The following PPP1R3A variants were observed in gnomAD, a reference collection of about 807,000 sequenced individuals.
PPP1R3A encodes protein phosphatase 1 regulatory subunit 3A.
A neutral mutation model predicts 41.7 loss-of-function variants in PPP1R3A; 29 were observed. The observed-to-expected ratio is 0.70, with a 90% CI of 0.52 to 0.95. The LOEUF (loss-of-function observed/expected upper bound fraction) is 0.95, where lower values mean the gene tolerates loss of function less well. Ranked by LOEUF, PPP1R3A falls within the 40% of genes least tolerant of loss-of-function variation. The pLI is 0.00. For missense variants in PPP1R3A, 1,352 were observed against 1,292.4 expected (o/e 1.05, Z -0.71); for synonymous variants, 485 against 453.4 (o/e 1.07, Z -0.89).
At chr7:113,899,962 A>G (rs996419794) in intron 1 of PPP1R3A, among the ~76,000 whole-genome samples, 1 of 151,802 alleles carries the variant, frequency 6.6e-6, no homozygotes, top group African/African-American at 2.4e-5. Flanking sequence ...GCTAGCATTA[A>G]TGTAAATTGT....
rs779188405 is a variant in PPP1R3A, at chr7:113,878,694, C to G, written c.2398G>C (p.Asp800His). 2 of 1,613,392 alleles carry G rather than the reference C, an allele frequency of 1.2e-6. No homozygotes were observed. The highest frequency in any genetic ancestry group is 2.2e-5 in the East Asian group (1 of 44,840). The stretch of plus-strand genomic sequence containing the variant: ...CCTAAACGTGATTCCTTTTCAAAAT[C>G]ATTGTCATAGATTACACCTACTGTA... ...RDTVGVIYDN[D>H]FEKESRLGIC... is the part of the protein sequence containing the mutation. The change falls in exon 4 of 4, where the codon GAT (aspartate) becomes CAT (histidine). Residue 800 changes from aspartate to histidine, a missense_variant. Coordinates refer to ENST00000284601, the MANE Select transcript of PPP1R3A (RefSeq NM_002711.4).
chr7:113,888,066 T>G (rs1437087510), intron 1 of PPP1R3A, among the ~76,000 whole-genome samples: 1 of 151,414 alleles, frequency 6.6e-6, no homozygotes, highest in East Asian at 1.9e-4. Context: ...AAGTCACATC[T>G]AGAAACAACA....
At chr7:113,917,986 C>T (rs1797368804) in intron 1 of PPP1R3A, among the ~76,000 whole-genome samples, 1 of 152,078 alleles carries the variant, frequency 6.6e-6, no homozygotes, top group Admixed American at 6.6e-5. Context: ...CAGTGCACTT[C>T]TCTCCCAACC....
At position 113,878,151 on chromosome 7, in the gene PPP1R3A, C is replaced by T; in HGVS notation, c.2941G>A (p.Gly981Arg). The T allele has an allele frequency of 6.2e-7, 1 of 1,613,270 alleles. No homozygotes were observed. The highest frequency in any genetic ancestry group is 8.5e-7 in the Non-Finnish European group (1 of 1,179,612). ...TTTCTACTACCTGATGTCACTATTCCTGAACTTCTGGAAACTTCTTCAGGT... is the reference window on the plus strand; with the variant it reads ...TTTCTACTACCTGATGTCACTATTCTTGAACTTCTGGAAACTTCTTCAGGT... ...SKPEEVSRSSGIVTSGSRKER... is the reference protein window; with the variant it reads ...SKPEEVSRSSRIVTSGSRKER... The change falls in exon 4 of 4, where the codon GGA becomes AGA. Residue 981 changes from glycine (G) to arginine (R), a missense_variant. Gly to Arg is a moderately radical substitution (Grantham distance 125, BLOSUM62 -2). Coordinates refer to ENST00000284601, the MANE Select transcript of PPP1R3A (RefSeq NM_002711.4).
chr7:113,881,896 G>T, intron 3 of PPP1R3A, 143 bp downstream of exon 3: 1 of 907,448 alleles, frequency 1.1e-6, no homozygotes, highest in Non-Finnish European at 1.7e-6. Flanking sequence ...TGTTGATCAA[G>T]CTAGAGACGC....
At chr7:113,896,868 T>A (rs1254922724) in intron 1 of PPP1R3A, among the ~76,000 whole-genome samples, 1 of 142,824 alleles carries the variant, frequency 7.0e-6, no homozygotes, top group Non-Finnish European at 1.5e-5. Context: ...TGAAAAAATA[T>A]GAAAAAAACA....
At chr7:113,890,533 C>T (rs1796862744) in intron 1 of PPP1R3A, among the ~76,000 whole-genome samples, 1 of 152,112 alleles carries the variant, frequency 6.6e-6, no homozygotes, top group Non-Finnish European at 1.5e-5. Context: ...GAATGTGGTA[C>T]ACGAAGTGCC....
At chr7:113,899,568 G>A (rs757782263) in intron 1 of PPP1R3A, among the ~76,000 whole-genome samples, 1 of 151,636 alleles carries the variant, frequency 6.6e-6, no homozygotes, top group Non-Finnish European at 1.5e-5. Flanking sequence ...TCTTTTTGTG[G>A]ATAGTGTGAC....
rs1796604286 is a variant in PPP1R3A at position 113,878,136 on chromosome 7, C to T, written c.2956G>A (p.Gly986Ser). The change falls in exon 4 of 4, where the codon GGT becomes AGT. Residue 986 changes from glycine to serine, a missense_variant. Gly to Ser is a moderately conservative substitution (Grantham distance 56). Coordinates refer to ENST00000284601, the MANE Select transcript of PPP1R3A (RefSeq NM_002711.4). ...CCTATGCATCTTTCTTTTCTACTAC[C>T]TGATGTCACTATTCCTGAACTTCTG... ...VSRSSGIVTS[G>S]SRKERCIGQI... The T allele has an allele frequency of 1.2e-6, 2 of 1,613,330 alleles. No homozygotes were observed. Among genetic ancestry groups the T allele is most frequent in the Non-Finnish European group, 1.7e-6 (2 of 1,179,640 alleles).
intron 1 of PPP1R3A, among the ~76,000 whole-genome samples, chr7:113,890,104 A>G (rs1356967924): frequency 6.6e-6 from 1 of 152,168 alleles, no homozygotes; most frequent in Non-Finnish European, 1.5e-5. Context: ...ATTATTCTCA[A>G]CATGTCAAGT....
At chr7:113,913,446 C>T (rs1797285137) in intron 1 of PPP1R3A, among the ~76,000 whole-genome samples, 1 of 152,076 alleles carries the variant, frequency 6.6e-6, no homozygotes, top group Admixed American at 6.6e-5. Context: ...CTTTCCTGTT[C>T]CTGAACGTAC....
chr7:113,888,933 C>T (rs1584815763), intron 1 of PPP1R3A, among the ~76,000 whole-genome samples: 2 of 152,132 alleles, frequency 1.3e-5, no homozygotes, highest in South Asian at 4.1e-4. Context: ...AGCCCTGTTA[C>T]GTTGTCTCTC....
At chr7:113,909,290 G>T (rs1052479030) in intron 1 of PPP1R3A, among the ~76,000 whole-genome samples, 2 of 152,006 alleles carry the variant, frequency 1.3e-5, no homozygotes, top group African/African-American at 4.8e-5. Context: ...TTTGTCCACA[G>T]TTTTCAAGAA....
intron 1 of PPP1R3A, among the ~76,000 whole-genome samples, chr7:113,912,075 T>G (rs917398806): frequency 1.3e-5 from 2 of 152,160 alleles, no homozygotes; most frequent in African/African-American, 4.8e-5. Context: ...AATTAAAGCC[T>G]CAAGGTCTTG....
In PPP1R3A at chr7:113,878,974, T is replaced by G. The variant is rs776241683; in HGVS notation, c.2118A>C (p.Gln706His). The change falls in exon 4 of 4, where the codon CAA (glutamine) becomes CAC (histidine). Residue 706 changes from glutamine (Q) to histidine (H), a missense_variant. By Grantham distance (24) the Gln-to-His change is conservative. Transcript: ENST00000284601. ...KATTEELFTC[Q>H]ETVCCELSSL... ...AAGACAGTTCACAGCACACTGTTTC[T>G]TGGCAGGTAAACAATTCTTCTGTAG... is the stretch of plus-strand genomic sequence containing the variant. 1.9e-6 allele frequency: 3 copies of G among 1,613,340 alleles called. No homozygotes were observed. The East Asian group carries it at 6.7e-5, about 36-fold the overall frequency.
At chr7:113,882,383 C>T in intron 1 of PPP1R3A, 63 bp from the exon 2 acceptor site, 1 of 994,718 alleles carries the variant, frequency 1.0e-6, no homozygotes. Flanking sequence ...AGTATTTTTA[C>T]ACAGGGGGAA....
intron 1 of PPP1R3A, among the ~76,000 whole-genome samples, chr7:113,890,553 C>A (rs573735207): frequency 6.6e-6 from 1 of 152,218 alleles, no homozygotes; most frequent in East Asian, 1.9e-4. Context: ...CTCTTTACAT[C>A]TCAAACTTTT....
intron 1 of PPP1R3A, among the ~76,000 whole-genome samples, chr7:113,902,931 G>A (rs1429099235): frequency 1.3e-5 from 2 of 151,774 alleles, no homozygotes; most frequent in Non-Finnish European, 2.9e-5. Context: ...TTGAATGACT[G>A]ATGGTCCTTC....
At position 113,915,173 on chromosome 7, in the gene PPP1R3A, GA is replaced by G. The variant is rs143371831; in HGVS notation, c.782+3041del. Among the ~76,000 whole-genome samples the G allele has an allele frequency of 8.3e-4, 127 of 152,122 alleles. 1 individual carries two copies. In the East Asian group the frequency reaches 0.022, roughly 26 times the overall value. On this transcript the variant is annotated intron_variant, in intron 1 of 3. Coordinates refer to ENST00000284601, the MANE Select transcript of PPP1R3A (RefSeq NM_002711.4). ...TATTTCTTTCTGTCCAAAGTGTACA[GA>G]CTATCAGGCATCAAAAGAAAATAGA...
Sources: allele counts gnomAD v4.1 joint callset (sites outside exome capture counted in the v4.1 genomes callset), GRCh38; gene constraint gnomAD v4.1.1; transcripts MANE v1.5; gene names NCBI Gene and HGNC (gene_info 2026-07-23, HGNC 2026-07-21).